Variants in PGM5 observed in about 807,000 individuals in gnomAD.
The protein encoded by PGM5 is phosphoglucomutase 5.
Under a neutral mutation model 59.2 loss-of-function variants are expected in PGM5, and 23 were observed. The observed-to-expected ratio is 0.39, with a 90% CI of 0.28 to 0.55. The LOEUF is 0.55. Ranked by LOEUF, PGM5 falls within the 20% of genes least tolerant of loss-of-function variation. The pLI is 0.66. For synonymous variants in PGM5, 214 were observed against 286.0 expected (o/e 0.75, Z 2.54); for missense variants, 574 against 748.3 (o/e 0.77, Z 2.72).
At chr9:68,493,039 A>G (rs1824423771) in intron 9 of PGM5, among the ~76,000 whole-genome samples, 1 of 152,276 alleles carries the variant, frequency 6.6e-6, no homozygotes, top group African/African-American at 2.4e-5. Flanking sequence ...CCAACTGACT[A>G]TATATGCGAC....
intron 8 of PGM5, among the ~76,000 whole-genome samples, chr9:68,481,559 A>G (rs1824197051): frequency 6.6e-6 from 1 of 152,198 alleles, no homozygotes; most frequent in African/African-American, 2.4e-5. Context: ...TGGCCTAGTG[A>G]GATCGCTTTG....
chr9:68,357,856 A>G (rs1563978366), intron 1 of PGM5: 4 of 213,516 alleles, frequency 1.9e-5, no homozygotes, highest in Non-Finnish European at 2.8e-5. Context: ...TTTTTGCAAT[A>G]ATCTGCCAGT....
At chr9:68,439,706 T>G (rs897357031) in intron 6 of PGM5, among the ~76,000 whole-genome samples, 1 of 148,332 alleles carries the variant, frequency 6.7e-6, no homozygotes, top group Non-Finnish European at 1.5e-5. Context: ...TATATATATA[T>G]ACACACACAC....
chr9:68,463,171 A>G (rs964743056), intron 6 of PGM5, among the ~76,000 whole-genome samples: 10 of 151,082 alleles, frequency 6.6e-5, no homozygotes, highest in African/African-American at 2.4e-4. Context: ...CCATGGCAAG[A>G]GTTTCTAGAT....
chr9:68,471,420 A>G (rs1824016331), intron 7 of PGM5, among the ~76,000 whole-genome samples: 1 of 152,170 alleles, frequency 6.6e-6, no homozygotes, highest in African/African-American at 2.4e-5. Context: ...AGAACACAGT[A>G]CAGTGACTGT....
At chr9:68,477,912 C>T (rs1159603939) in intron 7 of PGM5, among the ~76,000 whole-genome samples, 1 of 152,216 alleles carries the variant, frequency 6.6e-6, no homozygotes, top group African/African-American at 2.4e-5. Context: ...AGAGCTTGTC[C>T]TCTTAACTTG....
intron 6 of PGM5, among the ~76,000 whole-genome samples, chr9:68,459,902 T>C (rs1554685241): frequency 1.3e-5 from 2 of 152,226 alleles, no homozygotes; most frequent in Non-Finnish European, 2.9e-5. Flanking sequence ...TTTTAAAATA[T>C]AAACTGCATG....
At chr9:68,420,216 C>T (rs1485077127) in intron 6 of PGM5, among the ~76,000 whole-genome samples, 1 of 152,156 alleles carries the variant, frequency 6.6e-6, no homozygotes, top group African/African-American at 2.4e-5. Context: ...ACCTCTGAGG[C>T]TTGGTGTGGC....
At chr9:68,410,759 G>C (rs1347083116) in intron 6 of PGM5, among the ~76,000 whole-genome samples, 1 of 152,184 alleles carries the variant, frequency 6.6e-6, no homozygotes, top group Non-Finnish European at 1.5e-5. Flanking sequence ...CAAAGATTGG[G>C]AACAAGGTTT....
intron 2 of PGM5, among the ~76,000 whole-genome samples, chr9:68,384,065 T>C (rs1398377561): frequency 6.6e-6 from 1 of 152,060 alleles, no homozygotes; most frequent in Non-Finnish European, 1.5e-5. Flanking sequence ...TTGTGTCTCA[T>C]AACCTGAATA....
Position 68,530,477 on chromosome 9 carries a change from C to G in PGM5, c.*821C>G, listed in dbSNP as rs1825062770. 1 of 152,140 alleles carries G rather than the reference C, an allele frequency of 6.6e-6. No homozygotes were observed. The highest frequency in any genetic ancestry group is 2.4e-5 in the African/African-American group (1 of 41,430). 9.4% of individuals were successfully genotyped at this position (152,140 alleles called of 1,614,324 possible). ...CTTGATTACATCAAGTATGTTGGTA[C>G]ATGGGTTTATACAAGTTCCTCTTGA... On this transcript the variant is annotated 3_prime_UTR_variant, in exon 11 of 11. Coordinates refer to ENST00000396396, the MANE Select transcript of PGM5 (RefSeq NM_021965.4).
chr9:68,479,778 C>CA (rs1271463115), intron 8 of PGM5, among the ~76,000 whole-genome samples: 3 of 152,062 alleles, frequency 2.0e-5, no homozygotes, highest in Non-Finnish European at 4.4e-5. Flanking sequence ...ACTAAAAATA[C>CA]AAAAAATTAG....
intron 9 of PGM5, among the ~76,000 whole-genome samples, chr9:68,493,919 A>G (rs1824440850): frequency 6.6e-6 from 1 of 152,178 alleles, no homozygotes; most frequent in Non-Finnish European, 1.5e-5. Flanking sequence ...TCCTTTATCA[A>G]TCATTCTTCA....
At chr9:68,385,300 G>A (rs1473927889) in intron 3 of PGM5, among the ~76,000 whole-genome samples, 11 of 152,278 alleles carry the variant, frequency 7.2e-5, no homozygotes, top group Admixed American at 2.0e-4. Flanking sequence ...GATCTAACAT[G>A]TTTTACTTTT....
At chr9:68,486,106 A>G (rs1304690043) in intron 9 of PGM5, among the ~76,000 whole-genome samples, 1 of 152,236 alleles carries the variant, frequency 6.6e-6, no homozygotes, top group Non-Finnish European at 1.5e-5. Context: ...TTTTCAAACT[A>G]TAGACATCTG....
At chr9:68,370,053 C>T (rs535224816) in intron 1 of PGM5, among the ~76,000 whole-genome samples, 77 of 151,768 alleles carry the variant, frequency 5.1e-4, no homozygotes, top group Non-Finnish European at 9.7e-4. Context: ...TGTTTTTAAC[C>T]GAGAAGACAG....
chr9:68,529,512 G>T, intron 10 of PGM5, 55 bp from the exon 11 acceptor site: 2 of 1,237,168 alleles, frequency 1.6e-6, no homozygotes, highest in Admixed American at 4.0e-5. Flanking sequence ...CCATCAGAAT[G>T]CCCCAAAATG....
chr9:68,391,489 A>C (rs1822362313), intron 4 of PGM5, 45 bp from the exon 5 acceptor site: 4 of 1,603,170 alleles, frequency 2.5e-6, no homozygotes, highest in Non-Finnish European at 2.6e-6. Context: ...TACTCTGGGG[A>C]GAAGGTTCTG....
At chr9:68,469,907 T>C (rs534229993) in intron 7 of PGM5, among the ~76,000 whole-genome samples, 1 of 152,332 alleles carries the variant, frequency 6.6e-6, no homozygotes, top group South Asian at 2.1e-4. Context: ...CATCCTTAAA[T>C]GGATGTATTT....
Sources: gnomAD v4.1 joint callset for allele counts (sites outside exome capture counted in the v4.1 genomes callset) on GRCh38, gnomAD v4.1.1 for gene constraint, MANE v1.5 for transcripts, NCBI Gene and HGNC (gene_info 2026-07-23, HGNC 2026-07-21) for gene names.